PTPRK: variants seen among roughly 807,000 people sequenced by gnomAD.
The protein encoded by PTPRK is protein tyrosine phosphatase receptor type K, also known as receptor-type tyrosine-protein phosphatase kappa.
A neutral mutation model predicts 178.0 loss-of-function variants in PTPRK; 75 were observed. The observed-to-expected ratio is 0.42, with a 90% CI of 0.35 to 0.51. The LOEUF (loss-of-function observed/expected upper bound fraction) is 0.51. Ranked by LOEUF, PTPRK falls within the 20% of genes least tolerant of loss-of-function variation. PTPRK has a pLI of 0.02. For synonymous variants in PTPRK, 637 were observed against 620.6 expected (o/e 1.03, Z -0.39); for missense variants, 1,441 against 1,797.8 (o/e 0.80, Z 3.59).
intron 1 of PTPRK, among the ~76,000 whole-genome samples, chr6:128,445,186 C>T (rs975728046): frequency 1.6e-5 from 2 of 126,618 alleles, no homozygotes; most frequent in Non-Finnish European, 3.3e-5. Flanking sequence ...AGACCCCCAA[C>T]TCTACTATTT....
chr6:128,354,342 A>G (rs1159640236), intron 2 of PTPRK, among the ~76,000 whole-genome samples: 1 of 131,536 alleles, frequency 7.6e-6, no homozygotes, highest in Non-Finnish European at 1.6e-5. Flanking sequence ...GGTTCACACC[A>G]TTCTCCTGCC....
chr6:128,238,223 T>C (rs1045362799), intron 5 of PTPRK: 2 of 355,114 alleles, frequency 5.6e-6, no homozygotes, highest in South Asian at 2.0e-5. Context: ...AAAAAAGAGG[T>C]GAGGTAGGGG....
intron 13 of PTPRK, among the ~76,000 whole-genome samples, chr6:128,012,237 TTA>T: frequency 6.6e-6 from 1 of 151,376 alleles, no homozygotes; most frequent in East Asian, 1.9e-4. Flanking sequence ...TATATATTTA[TTA>T]GTTTGGATAT....
chr6:128,392,998 C>T (rs568794021), intron 2 of PTPRK, among the ~76,000 whole-genome samples: 74 of 151,062 alleles, frequency 4.9e-4, no homozygotes, highest in African/African-American at 1.8e-3. Flanking sequence ...TATTTTAAAA[C>T]TTACATTACA....
chr6:127,976,993 T>C lies in PTPRK; in HGVS notation c.3773A>G (p.Asp1258Gly). The change falls in exon 26 of 30, where the codon GAC becomes GGC. Residue 1258 changes from aspartate to glycine, a missense_variant. Coordinates refer to ENST00000368226, the MANE Select transcript of PTPRK (RefSeq NM_002844.4). ...ATAATCATACACTAATCTCCAGAAG[T>C]CTTTTACAGTGTTTGGCAGAGGGTA... ...TQYPLPNTVK[D>G]FWRLVYDYGC... 6.2e-7 allele frequency: 1 copy of C among 1,614,058 alleles called. No individual in the cohort carries two copies. The highest frequency in any genetic ancestry group is 8.5e-7 in the Non-Finnish European group (1 of 1,179,960).
At chr6:128,311,178 C>T (rs1284790888) in intron 3 of PTPRK, among the ~76,000 whole-genome samples, 3 of 152,062 alleles carry the variant, frequency 2.0e-5, no homozygotes, top group Non-Finnish European at 4.4e-5. Flanking sequence ...AACTAAGTAA[C>T]AAAAATATGC....
chr6:128,030,288 C>A (rs984695115), intron 13 of PTPRK, among the ~76,000 whole-genome samples: 3 of 151,966 alleles, frequency 2.0e-5, no homozygotes, highest in East Asian at 3.9e-4. Context: ...GGCCAGGGCA[C>A]CAAAGGTGAC....
At position 128,184,501 on chromosome 6, in the gene PTPRK, G is replaced by A. The variant is rs1292608132; in HGVS notation, c.1093C>T (p.Leu365Phe). 1.9e-6 allele frequency: 3 copies of A among 1,613,842 alleles called. No individual in the cohort carries two copies. The highest frequency in any genetic ancestry group is 2.7e-5 in the African/African-American group (2 of 75,022). Reference protein sequence around the residue: ...PDTEYEIRVLLTRPGEGGTGL... With the variant: ...PDTEYEIRVLFTRPGEGGTGL... ...GTTCCACCTTCACCAGGTCTTGTAA[G>A]TAGAACTCGGATCTCATATTCGGTA... The change falls in exon 7 of 30, where the codon CTT (leucine) becomes TTT (phenylalanine). Residue 365 changes from leucine (L) to phenylalanine (F), a missense_variant. By Grantham distance (22) the Leu-to-Phe change is conservative. Transcript: ENST00000368226.
Position 128,307,190 on chromosome 6 carries a change from TAC to T in PTPRK, c.495+14847_495+14848del, listed in dbSNP as rs377120617. On this transcript the variant is annotated intron_variant, in intron 3 of 29. Transcript: ENST00000368226. ...ATATATATATATATGGATATATACATACACACACACACACATAGACACACACA... is the reference window on the plus strand; with the variant it reads ...ATATATATATATATGGATATATACATACACACACACACATAGACACACACA... Among the ~76,000 whole-genome samples the T allele has an allele frequency of 9.8e-3, 1,444 of 146,706 alleles. 25 individuals carry two copies. Among genetic ancestry groups the T allele is most frequent in the African/African-American group, 0.034 (1,354 of 40,002 alleles).
At chr6:128,035,959 A>G (rs560842632) in intron 13 of PTPRK, among the ~76,000 whole-genome samples, 2 of 152,346 alleles carry the variant, frequency 1.3e-5, no homozygotes, top group East Asian at 3.9e-4. Flanking sequence ...CAGTTTAGGC[A>G]ATAAGCATAT....
intron 1 of PTPRK, among the ~76,000 whole-genome samples, chr6:128,402,314 G>A (rs1249477285): frequency 6.6e-6 from 1 of 152,162 alleles, no homozygotes; most frequent in Non-Finnish European, 1.5e-5. Flanking sequence ...CTAGAGTGCA[G>A]TGGCGCGATC....
At chr6:127,994,138 T>C (rs1033003927) in intron 18 of PTPRK, among the ~76,000 whole-genome samples, 3 of 151,738 alleles carry the variant, frequency 2.0e-5, no homozygotes, top group South Asian at 4.1e-4. Flanking sequence ...TCATATACTA[T>C]GCTTTATAAA....
chr6:128,003,214 A>G, intron 15 of PTPRK: 2 of 1,605,192 alleles, frequency 1.2e-6, no homozygotes, highest in Non-Finnish European at 1.7e-6. Context: ...AGCAGTCGGT[A>G]CAAGTGGATC....
intron 7 of PTPRK, among the ~76,000 whole-genome samples, chr6:128,142,551 A>AAT (rs201148006): frequency 2.0e-5 from 3 of 151,264 alleles, no homozygotes; most frequent in Non-Finnish European, 3.0e-5. Flanking sequence ...ATATATACAT[A>AAT]ATATATATAT....
intron 13 of PTPRK, among the ~76,000 whole-genome samples, chr6:128,041,829 T>A (rs867523536): frequency 2.1e-5 from 3 of 144,516 alleles, no homozygotes; most frequent in African/African-American, 8.3e-5. Context: ...TGTATATATA[T>A]GTAATACACA....
intron 1 of PTPRK, among the ~76,000 whole-genome samples, chr6:128,423,066 G>A (rs554204572): frequency 1.3e-5 from 2 of 152,308 alleles, no homozygotes; most frequent in East Asian, 1.9e-4. Flanking sequence ...CTGACCATTG[G>A]TTAGTAATGC....
intron 7 of PTPRK, among the ~76,000 whole-genome samples, chr6:128,116,434 T>C (rs1791536468): frequency 1.3e-5 from 2 of 150,894 alleles, no homozygotes; most frequent in East Asian, 1.9e-4. Flanking sequence ...TAACTATATA[T>C]CTCTGGAAAA....
chr6:128,118,220 A>C (rs954000587), intron 7 of PTPRK, among the ~76,000 whole-genome samples: 1 of 152,218 alleles, frequency 6.6e-6, no homozygotes, highest in Non-Finnish European at 1.5e-5. Flanking sequence ...AGGGATCTAT[A>C]GCATGATTTG....
chr6:128,175,022 A>C (rs779348311), intron 7 of PTPRK, among the ~76,000 whole-genome samples: 3 of 152,050 alleles, frequency 2.0e-5, no homozygotes, highest in Non-Finnish European at 4.4e-5. Context: ...GAGCTACTGT[A>C]ATCATAATTC....
Sources: allele counts gnomAD v4.1 joint callset (sites outside exome capture counted in the v4.1 genomes callset), GRCh38; gene constraint gnomAD v4.1.1; transcripts MANE v1.5; gene names NCBI Gene and HGNC (gene_info 2026-07-23, HGNC 2026-07-21).